MAP4K2: variants seen among roughly 807,000 people sequenced by gnomAD.
MAP4K2 encodes mitogen-activated protein kinase kinase kinase kinase 2, also known as B lymphocyte serine/threonine protein kinase.
In MAP4K2, 85 loss-of-function variants were observed where a neutral mutation model predicts 125.3. The ratio of observed to expected loss-of-function variants is 0.68; its 90% CI spans 0.57 to 0.81. The LOEUF (loss-of-function observed/expected upper bound fraction) is 0.81. MAP4K2 is among the 40% of genes least tolerant of loss of function. MAP4K2 has a pLI of 0.00. For synonymous variants in MAP4K2, 479 were observed against 445.1 expected (o/e 1.08, Z -0.96); for missense variants, 923 against 1,056.4 (o/e 0.87, Z 1.75).
At chr11:64,802,396 G>T in intron 4 of MAP4K2, 23 bp downstream of exon 4, 1 of 1,487,898 alleles carries the variant, frequency 6.7e-7, no homozygotes, top group East Asian at 2.4e-5. Context: ...GGGGCCTGCT[G>T]GGGCCTGGAG....
Position 64,796,822 on chromosome 11 carries a change from G to C in MAP4K2, c.1479C>G (p.His493Gln), listed in dbSNP as rs778638556. ...GCCCCCACCTACCCCGAGTAACAGG[G>C]TGAATCCAGGTGACAGCAGCGTGGA... is the stretch of plus-strand genomic sequence containing the variant. ...LRIHAAVTWIHPVTRDQFLVV... is the reference protein window; with the variant it reads ...LRIHAAVTWIQPVTRDQFLVV... The change falls in exon 21 of 32, where the codon CAC becomes CAG. Residue 493 changes from histidine to glutamine, a missense_variant. Transcript: ENST00000294066. 6 of 1,613,762 alleles carry C rather than the reference G, an allele frequency of 3.7e-6. No individual in the cohort carries two copies. In the South Asian group the frequency reaches 5.5e-5, roughly 15 times the overall value.
intron 24 of MAP4K2, among the ~76,000 whole-genome samples, chr11:64,793,392 C>T (rs1443768711): frequency 6.6e-6 from 1 of 152,198 alleles, no homozygotes; most frequent in Non-Finnish European, 1.5e-5. Flanking sequence ...CCCTCTGCTT[C>T]TCCAGCAGAG....
rs1940350567 is a variant in MAP4K2, at chr11:64,789,587, C to T, written c.2413G>A (p.Glu805Lys). 6.2e-7 allele frequency: 1 copy of T among 1,605,932 alleles called. No individual in the cohort carries two copies. ...ILESIPTDNP[E>K]AHSNLYILTG... ...AGGATGTAGAGGTTGCTGTGCGCCTCTGGGTTGTCAGTGGGAATGCTCTCC... is the reference window on the plus strand; with the variant it reads ...AGGATGTAGAGGTTGCTGTGCGCCTTTGGGTTGTCAGTGGGAATGCTCTCC... The change falls in exon 32 of 32, where the codon GAG becomes AAG. Residue 805 changes from glutamate (E) to lysine (K), a missense_variant. Transcript: ENST00000294066.
Position 64,787,355 on chromosome 11 carries a change from G to A in MAP4K2, c.*2182C>T, listed in dbSNP as rs531900329. ...CCCAGGATATATTTTTAAAGGGCAA[G>A]GTCAGTACAGTATGTGGAATATGTT... is the stretch of plus-strand genomic sequence containing the variant. On this transcript the variant is annotated 3_prime_UTR_variant, in exon 32 of 32. Coordinates refer to ENST00000294066, the MANE Select transcript of MAP4K2 (RefSeq NM_004579.5). 6.6e-6 allele frequency: 1 copy of A among 152,068 alleles called. No individual in the cohort carries two copies. Among genetic ancestry groups the A allele is most frequent in the African/African-American group, 2.4e-5 (1 of 41,466 alleles). 9.4% of individuals were successfully genotyped at this position (152,068 alleles called of 1,614,324 possible).
chr11:64,790,996 C>T (rs545531313), intron 27 of MAP4K2, among the ~76,000 whole-genome samples: 34 of 152,276 alleles, frequency 2.2e-4, no homozygotes, highest in African/African-American at 7.2e-4. Context: ...CGTAGCCGGA[C>T]GTGGTGGCAC....
chr11:64,789,952 C>T lies in MAP4K2; in HGVS notation c.2256G>A (p.Leu752=), dbSNP rs1477528316. 6.2e-7 allele frequency: 1 copy of T among 1,613,416 alleles called. No individual in the cohort carries two copies. Among genetic ancestry groups the T allele is most frequent in the Admixed American group, 1.7e-5 (1 of 60,024 alleles). The change falls in exon 30 of 32, where the codon CTG becomes CTA. Residue 752 remains leucine, a synonymous_variant. Transcript: ENST00000294066. ...FDFPIETVVC[L]QDSVLAFWSH... ...TCCAGAAGGCCAGCACACTGTCCTG[C>T]AGGCACACTATGGGGGCCAGGCCAC...
Position 64,800,782 on chromosome 11 carries a change from A to T in MAP4K2, c.707T>A (p.Leu236Gln), listed in dbSNP as rs1052280802. The change falls in exon 10 of 32, where the codon CTG becomes CAG. Residue 236 changes from leucine to glutamine, a missense_variant. Leu to Gln is a moderately radical substitution (Grantham distance 113). Transcript: ENST00000294066. The stretch of plus-strand genomic sequence containing the variant: ...CCCTTACCAGCGAGTCTTATCTCTC[A>T]GTTTGGGCGGCTGGAAGCTGCTCTT... ...MSKSSFQPPK[L>Q]RDKTRWTQNF... 5 of 1,608,306 alleles carry T rather than the reference A, an allele frequency of 3.1e-6. No homozygotes were observed. The highest frequency in any genetic ancestry group is 1.3e-5 in the African/African-American group (1 of 74,830).
Position 64,787,838 on chromosome 11 carries a change from C to G in MAP4K2, c.*1699G>C, listed in dbSNP as rs1300191663. On this transcript the variant is annotated 3_prime_UTR_variant, in exon 32 of 32. Coordinates refer to ENST00000294066, the MANE Select transcript of MAP4K2 (RefSeq NM_004579.5). ...GCCTTTGGTCAGGGCCTTTGCTGAG[C>G]AGGAGCTCACCTCCCTGTCCCCACT... The G allele has an allele frequency of 6.6e-6, 1 of 152,272 alleles. No homozygotes were observed. The highest frequency in any genetic ancestry group is 1.5e-5 in the Non-Finnish European group (1 of 68,054). 9.4% of individuals were successfully genotyped at this position (152,272 alleles called of 1,614,324 possible).
In MAP4K2 at chr11:64,801,633, G is replaced by T; in HGVS notation, c.415-12C>A. The stretch of plus-strand genomic sequence containing the variant: ...AGAAGGTTGGCTCCCTGTGGGAATG[G>T]AGGAGAGACAATCCCATCTGGTGCC... On this transcript the variant is annotated splice_polypyrimidine_tract_variant and intron_variant, in intron 6 of 31. Transcript: ENST00000294066. 1.2e-6 allele frequency: 2 copies of T among 1,613,944 alleles called. No homozygotes were observed. Among genetic ancestry groups the T allele is most frequent in the Non-Finnish European group, 1.7e-6 (2 of 1,179,940 alleles).
chr11:64,794,625 C>T (rs531560016), intron 24 of MAP4K2, among the ~76,000 whole-genome samples: 18 of 152,192 alleles, frequency 1.2e-4, no homozygotes, highest in Admixed American at 3.9e-4. Context: ...TCCCAAAGTG[C>T]GGGATTACAG....
rs1427229958 is a variant in MAP4K2 at position 64,800,828 on chromosome 11, T to C, written c.663-2A>G. On this transcript the variant is annotated splice_acceptor_variant, in intron 9 of 31. Transcript: ENST00000294066. LOFTEE classifies it high-confidence loss of function. The stretch of plus-strand genomic sequence containing the variant: ...CTCTTCGACATGAGCATCAGGGCCC[T>C]GTGGAGGGCGCGAGGTCAGGGGCCA... 1 of 1,612,812 alleles carries C rather than the reference T, an allele frequency of 6.2e-7. No homozygotes were observed. Among genetic ancestry groups the C allele is most frequent in the East Asian group, 2.2e-5 (1 of 44,844 alleles).
intron 12 of MAP4K2, 48 bp from the exon 13 acceptor site, chr11:64,799,731 G>T (rs1171482989): frequency 6.6e-7 from 1 of 1,510,890 alleles, no homozygotes; most frequent in Non-Finnish European, 9.2e-7. Flanking sequence ...CGCGCCTCAT[G>T]CCGGGGCTGC....
In MAP4K2 at chr11:64,800,497, C is replaced by A. The variant is rs955520889; in HGVS notation, c.726-105G>T. On this transcript the variant is annotated intron_variant, in intron 10 of 31. Transcript: ENST00000294066. Reference sequence around the variant, plus strand: ...CTCCAGAGGCGTCTGCTGGGCCCACCCAGGAAGGAGCCAGCCGAGGCCAAG... The same window carrying A: ...CTCCAGAGGCGTCTGCTGGGCCCACACAGGAAGGAGCCAGCCGAGGCCAAG... 3.0e-6 allele frequency: 4 copies of A among 1,341,240 alleles called. No homozygotes were observed. The African/African-American group carries it at 5.8e-5, about 20-fold the overall frequency. 83.1% of individuals were successfully genotyped at this position (1,341,240 alleles called of 1,614,324 possible).
At chr11:64,795,574 T>G (rs1940747586) in intron 24 of MAP4K2, among the ~76,000 whole-genome samples, 1 of 152,162 alleles carries the variant, frequency 6.6e-6, no homozygotes, top group Non-Finnish European at 1.5e-5. Context: ...CTAATTTTTT[T>G]TGTATTTTTA....
At chr11:64,800,713 A>C (rs751518931) in intron 10 of MAP4K2, 51 bp downstream of exon 10, 1 of 1,559,606 alleles carries the variant, frequency 6.4e-7, no homozygotes, top group South Asian at 1.2e-5. Context: ...CTGTTTGTCC[A>C]CTATGGGGCT....
Position 64,787,452 on chromosome 11 carries a change from G to C in MAP4K2, c.*2085C>G, listed in dbSNP as rs915284736. The C allele has an allele frequency of 6.6e-6, 1 of 152,158 alleles. No individual in the cohort carries two copies. Among genetic ancestry groups the C allele is most frequent in the Admixed American group, 6.5e-5 (1 of 15,286 alleles). The allele number at this position is 152,158 out of a possible 1,614,324, so 9.4% of individuals were successfully genotyped here. ...TAAATACGCAAAATACTTCTAGAAG[G>C]GTTCATAAGTAACTGAGACCAGGGT... On this transcript the variant is annotated 3_prime_UTR_variant, in exon 32 of 32. Transcript: ENST00000294066.
At chr11:64,797,751 G>GCC in intron 15 of MAP4K2, 87 bp from the exon 16 acceptor site, 2 of 1,307,120 alleles carry the variant, frequency 1.5e-6, no homozygotes, top group Non-Finnish European at 2.0e-6. Flanking sequence ...TGTCACCCAG[G>GCC]CCGGAGTGCA....
Position 64,798,252 on chromosome 11 carries a change from G to A in MAP4K2, c.1097+542C>T, listed in dbSNP as rs541864131. Among the ~76,000 whole-genome samples the A allele has an allele frequency of 1.5e-3, 232 of 152,214 alleles. 2 individuals carry two copies. The highest frequency in any genetic ancestry group is 5.3e-3 in the African/African-American group (219 of 41,526). The stretch of plus-strand genomic sequence containing the variant: ...GCAGTCTCAGCTCACCGCAACCTCC[G>A]CCTCCCGGGTTCAAGCGATTCTCCT... On this transcript the variant is annotated intron_variant, in intron 15 of 31. Coordinates refer to ENST00000294066, the MANE Select transcript of MAP4K2 (RefSeq NM_004579.5).
rs752469519 is a variant in MAP4K2, at chr11:64,797,025, T to TGGGA, written c.1366-6_1366-3dup. 4.3e-6 allele frequency: 7 copies of TGGGA among 1,613,992 alleles called. 1 individual carries two copies. In the South Asian group the frequency reaches 6.6e-5, roughly 15 times the overall value. On this transcript the variant is annotated splice_polypyrimidine_tract_variant and splice_region_variant and intron_variant, in intron 19 of 31. Coordinates refer to ENST00000294066, the MANE Select transcript of MAP4K2 (RefSeq NM_004579.5). ...GGGGAGCCCGTGGCAGGATGACCTC[T>TGGGA]GGGAGGGAGGAAAGGAGTCAGGGCT... is the stretch of plus-strand genomic sequence containing the variant.
Sources: gnomAD v4.1 joint callset for allele counts (sites outside exome capture counted in the v4.1 genomes callset) on GRCh38, gnomAD v4.1.1 for gene constraint, MANE v1.5 for transcripts, NCBI Gene and HGNC (gene_info 2026-07-23, HGNC 2026-07-21) for gene names.